Variants in DLGAP2 observed in about 807,000 individuals in gnomAD.
DLGAP2 encodes DLG associated protein 2.
A neutral mutation model predicts 100.3 loss-of-function variants in DLGAP2; 26 were observed. The ratio of observed to expected loss-of-function variants is 0.26; its 90% CI spans 0.19 to 0.36. DLGAP2 has a LOEUF of 0.36. DLGAP2 is among the 10% of genes least tolerant of loss of function. The pLI is 1.00. For synonymous variants in DLGAP2, 886 were observed against 630.1 expected (o/e 1.41, Z -6.08); for missense variants, 1,858 against 1,453.2 (o/e 1.28, Z -4.53).
At chr8:876,261 G>T (rs1797685949) in intron 1 of DLGAP2, among the ~76,000 whole-genome samples, 1 of 151,982 alleles carries the variant, frequency 6.6e-6, no homozygotes, top group Admixed American at 6.6e-5. Context: ...TATTATCAGG[G>T]GTCACTTGCT....
chr8:1,459,934 C>T (rs966229860), intron 3 of DLGAP2, among the ~76,000 whole-genome samples: 2 of 152,158 alleles, frequency 1.3e-5, no homozygotes, highest in African/African-American at 4.8e-5. Flanking sequence ...GATCCACCCA[C>T]CTCAGCCTCC....
At chr8:1,503,558 A>G (rs550005986) in intron 4 of DLGAP2, among the ~76,000 whole-genome samples, 1 of 152,126 alleles carries the variant, frequency 6.6e-6, no homozygotes, top group East Asian at 1.9e-4. Flanking sequence ...GCCAGTGTGA[A>G]TGGTACTGCT....
At chr8:946,527 T>C (rs1395478900) in intron 2 of DLGAP2, among the ~76,000 whole-genome samples, 3 of 152,062 alleles carry the variant, frequency 2.0e-5, no homozygotes, top group African/African-American at 2.4e-5. Flanking sequence ...CCTCCCAAAG[T>C]GCTGGGATTA....
At chr8:1,533,366 C>T (rs1432056405) in intron 4 of DLGAP2, among the ~76,000 whole-genome samples, 1 of 151,768 alleles carries the variant, frequency 6.6e-6, no homozygotes, top group Non-Finnish European at 1.5e-5. Context: ...ATTAGCCGGG[C>T]GTTGTGGCGG....
intron 1 of DLGAP2, among the ~76,000 whole-genome samples, chr8:808,424 C>T (rs1796308793): frequency 6.6e-6 from 1 of 152,116 alleles, no homozygotes; most frequent in South Asian, 2.1e-4. Context: ...CCAGGAAGGT[C>T]ACATTCAGTC....
intron 4 of DLGAP2, among the ~76,000 whole-genome samples, chr8:1,505,775 T>A (rs11779081): frequency 0.14 from 21,335 of 152,160 alleles, 1,710 homozygotes; most frequent in Non-Finnish European, 0.17. Flanking sequence ...ATAACTTTTG[T>A]AACATTGGCT....
At chr8:1,245,717 C>T (rs1284039993) in intron 2 of DLGAP2, among the ~76,000 whole-genome samples, 2 of 152,162 alleles carry the variant, frequency 1.3e-5, no homozygotes, top group African/African-American at 4.8e-5. Context: ...GTGGGTGAAT[C>T]ATATGGTGTG....
chr8:1,505,091 A>T (rs1035947156), intron 4 of DLGAP2, among the ~76,000 whole-genome samples: 2 of 152,212 alleles, frequency 1.3e-5, no homozygotes, highest in African/African-American at 4.8e-5. Context: ...GGGAGCAAAT[A>T]GCATTATTTT....
chr8:1,473,561 G>A (rs1048878034), intron 3 of DLGAP2, among the ~76,000 whole-genome samples: 1 of 152,190 alleles, frequency 6.6e-6, no homozygotes, highest in African/African-American at 2.4e-5. Flanking sequence ...GACTGGGGAG[G>A]GGTTTAGCTG....
chr8:1,516,519 ATCAG>A (rs199923060), intron 4 of DLGAP2, among the ~76,000 whole-genome samples: 24 of 131,164 alleles, frequency 1.8e-4, no homozygotes, highest in South Asian at 7.7e-4. Flanking sequence ...GAGTTCATGA[ATCAG>A]TCAGTGAGTG....
At chr8:1,672,815 C>T (rs1030895506) in intron 10 of DLGAP2, among the ~76,000 whole-genome samples, 2 of 152,240 alleles carry the variant, frequency 1.3e-5, no homozygotes, top group African/African-American at 4.8e-5. Context: ...GGGAAATAAA[C>T]AGGAGTTTGC....
intron 3 of DLGAP2, among the ~76,000 whole-genome samples, chr8:1,448,229 G>C (rs948326424): frequency 1.3e-5 from 2 of 151,840 alleles, no homozygotes; most frequent in African/African-American, 4.8e-5. Flanking sequence ...CATTTAGTGC[G>C]GTAAATTTCC....
At chr8:1,044,374 A>G (rs938666174) in intron 2 of DLGAP2, among the ~76,000 whole-genome samples, 1 of 152,256 alleles carries the variant, frequency 6.6e-6, no homozygotes, top group Non-Finnish European at 1.5e-5. Flanking sequence ...TCCTGTACAC[A>G]GAGCCTCCAT....
chr8:1,444,912 A>T (rs979857668), intron 3 of DLGAP2, among the ~76,000 whole-genome samples: 1 of 148,602 alleles, frequency 6.7e-6, no homozygotes, highest in African/African-American at 2.5e-5. Context: ...AGCTGGGATT[A>T]TAGGCGTGTG....
chr8:1,699,884 A>G (rs376585586), intron 14 of DLGAP2, among the ~76,000 whole-genome samples: 48 of 152,324 alleles, frequency 3.2e-4, no homozygotes, highest in African/African-American at 1.1e-3. Context: ...ACAGGCTCAC[A>G]GTTCAGGGGA....
chr8:1,102,499 G>A (rs761389693), intron 2 of DLGAP2, among the ~76,000 whole-genome samples: 1 of 151,856 alleles, frequency 6.6e-6, no homozygotes, highest in Non-Finnish European at 1.5e-5. Flanking sequence ...CACGCTATTC[G>A]TGGGATTTGA....
At chr8:925,724 T>C (rs1315808120) in intron 2 of DLGAP2, among the ~76,000 whole-genome samples, 1 of 152,130 alleles carries the variant, frequency 6.6e-6, no homozygotes, top group Non-Finnish European at 1.5e-5. Context: ...GAAGGAGATT[T>C]GTTAAAAGGA....
At chr8:1,168,407 G>A (rs948397846) in intron 2 of DLGAP2, among the ~76,000 whole-genome samples, 3 of 151,780 alleles carry the variant, frequency 2.0e-5, no homozygotes, top group African/African-American at 7.3e-5. Flanking sequence ...GTAATGGGAT[G>A]GCTGGGTCAA....
chr8:1,188,158 G>A (rs538212913), intron 2 of DLGAP2, among the ~76,000 whole-genome samples: 4 of 132,018 alleles, frequency 3.0e-5, no homozygotes, highest in South Asian at 2.5e-4. Context: ...CTTCCGTGAC[G>A]TTTCCCTCAC....
Sources: allele counts gnomAD v4.1 joint callset (sites outside exome capture counted in the v4.1 genomes callset), GRCh38; gene constraint gnomAD v4.1.1; transcripts MANE v1.5; gene names NCBI Gene and HGNC (gene_info 2026-07-23, HGNC 2026-07-21).